TMEM131: variants seen among roughly 807,000 people sequenced by gnomAD.
TMEM131 encodes the protein 2610524E03Rik.
Under a neutral mutation model 211.6 loss-of-function variants are expected in TMEM131, and 66 were observed. That is an observed-to-expected ratio of 0.31 (90% CI 0.26 to 0.38). The LOEUF (loss-of-function observed/expected upper bound fraction) is 0.38, where lower values mean the gene tolerates loss of function less well. Among genes scored for constraint, TMEM131 ranks in the 10% least tolerant of loss-of-function variants. TMEM131 has a pLI of 1.00. For synonymous variants in TMEM131, 844 were observed against 841.3 expected (o/e 1.00, Z -0.06); for missense variants, 2,036 against 2,299.3 (o/e 0.89, Z 2.34).
chr2:97,797,660 G>C, intron 25 of TMEM131, 144 bp from the exon 26 acceptor site: 1 of 659,224 alleles, frequency 1.5e-6, no homozygotes. Context: ...TTTAGATATG[G>C]GTTAGCTGGA....
intron 36 of TMEM131, 153 bp downstream of exon 36, chr2:97,761,882 G>T: frequency 1.2e-6 from 1 of 812,422 alleles, no homozygotes; most frequent in Non-Finnish European, 1.8e-6. Flanking sequence ...AGCGGGGGTG[G>T]ACCCCAGGTA....
intron 4 of TMEM131, among the ~76,000 whole-genome samples, chr2:97,875,062 A>G (rs1674637146): frequency 1.3e-5 from 2 of 152,224 alleles, no homozygotes; most frequent in Admixed American, 6.5e-5. Context: ...CAGGAGTTGC[A>G]ATCCTAATCT....
chr2:97,775,915 A>T lies in TMEM131; in HGVS notation c.4248T>A (p.Ser1416=), dbSNP rs1266749052. 2 of 1,613,888 alleles carry T rather than the reference A, an allele frequency of 1.2e-6. No homozygotes were observed. Among genetic ancestry groups the T allele is most frequent in the Admixed American group, 3.3e-5 (2 of 60,012 alleles). ...TGGAGGAGCTATCATCATCAGCCAA[A>T]GAGTCCTTCAGCTCATCTTCCTGTG... is the stretch of plus-strand genomic sequence containing the variant. ...GKPQEDELKD[S]LADDDSSSTT... is the part of the protein sequence containing the mutation. Residue 1416 remains serine, a synonymous_variant, in exon 32 of 41, where the codon TCT becomes TCA. Transcript: ENST00000186436.
chr2:97,988,768 T>C (rs1013200607), intron 1 of TMEM131, among the ~76,000 whole-genome samples: 4 of 152,146 alleles, frequency 2.6e-5, no homozygotes, highest in Admixed American at 1.3e-4. Context: ...AAAACAACTG[T>C]TGGCAAGGGC....
chr2:97,760,366 C>T, intron 38 of TMEM131: 1 of 567,018 alleles, frequency 1.8e-6, no homozygotes, highest in Non-Finnish European at 3.2e-6. Context: ...CTGAGACAGG[C>T]ATGGGTGCCC....
At chr2:97,939,957 T>A (rs1677639623) in intron 1 of TMEM131, among the ~76,000 whole-genome samples, 1 of 152,158 alleles carries the variant, frequency 6.6e-6, no homozygotes, top group South Asian at 2.1e-4. Context: ...AAAAGGCCTT[T>A]GACAAAATTC....
intron 35 of TMEM131, chr2:97,763,350 G>A (rs6711101): frequency 0.36 from 54,633 of 152,742 alleles, 10,507 homozygotes; most frequent in Non-Finnish European, 0.39. Flanking sequence ...GCCATCCTCA[G>A]GGCTGCCTGC....
intron 4 of TMEM131, among the ~76,000 whole-genome samples, chr2:97,867,111 G>A (rs1355435147): frequency 2.6e-5 from 4 of 152,170 alleles, no homozygotes; most frequent in Non-Finnish European, 1.5e-5. Context: ...ATTAGCATAT[G>A]GTCTATCTTG....
chr2:97,834,629 C>T lies in TMEM131; in HGVS notation c.1004G>A (p.Arg335Lys), dbSNP rs570511284. 4 of 1,546,464 alleles carry T rather than the reference C, an allele frequency of 2.6e-6. No individual in the cohort carries two copies. Among genetic ancestry groups the T allele is most frequent in the East Asian group, 4.6e-5 (2 of 43,294 alleles). ...STEMLDFGTL[R>K]TQDLPKVLNL... ...TTAAAAGATTTTTTTACCTTGTGTT[C>T]TTAGTGTACCAAAATCTAACATTTC... The change falls in exon 10 of 41, where the codon AGA (arginine) becomes AAA (lysine). Residue 335 changes from arginine to lysine, a missense_variant. Physicochemically the swap from Arg to Lys is conservative, Grantham distance 26 (BLOSUM62 2). Around this residue, in one of 3 missense-constraint regions of TMEM131, gnomAD observed 277 missense variants for 378.0 expected, o/e 0.73. Coordinates refer to ENST00000186436, the MANE Select transcript of TMEM131 (RefSeq NM_015348.2).
chr2:97,980,551 G>A (rs757269543), intron 1 of TMEM131, among the ~76,000 whole-genome samples: 3 of 152,170 alleles, frequency 2.0e-5, no homozygotes, highest in Non-Finnish European at 4.4e-5. Context: ...ATAGGATCCA[G>A]ACATTCCACT....
chr2:97,761,980 A>T (rs892060812), intron 36 of TMEM131, 55 bp downstream of exon 36: 4 of 1,494,788 alleles, frequency 2.7e-6, no homozygotes, highest in African/African-American at 2.8e-5. Context: ...AGGGTGTGAC[A>T]TCGGGTTTTA....
intron 3 of TMEM131, among the ~76,000 whole-genome samples, chr2:97,890,723 A>G (rs930234656): frequency 6.6e-6 from 1 of 152,204 alleles, no homozygotes; most frequent in African/African-American, 2.4e-5. Flanking sequence ...GTGCTGCCAA[A>G]ATGAGCACTA....
At chr2:97,942,998 G>T (rs1425779121) in intron 1 of TMEM131, among the ~76,000 whole-genome samples, 1 of 34,026 alleles carries the variant, frequency 2.9e-5, no homozygotes, top group African/African-American at 1.5e-4. Flanking sequence ...AGAAAGAAAA[G>T]AAAGAAAAGA....
At chr2:97,806,261 G>A (rs948897193) in intron 19 of TMEM131, among the ~76,000 whole-genome samples, 22 of 152,208 alleles carry the variant, frequency 1.4e-4, no homozygotes, top group African/African-American at 5.3e-4. Context: ...CACAAGCTGG[G>A]CACAGTGGCT....
At chr2:97,895,140 T>C (rs1013808757) in intron 3 of TMEM131, among the ~76,000 whole-genome samples, 1 of 152,204 alleles carries the variant, frequency 6.6e-6, no homozygotes, top group Non-Finnish European at 1.5e-5. Context: ...ATGTGGTTTT[T>C]GTCGTTGGTT....
At chr2:97,871,414 G>T (rs888974464) in intron 4 of TMEM131, among the ~76,000 whole-genome samples, 9 of 152,170 alleles carry the variant, frequency 5.9e-5, no homozygotes, top group Non-Finnish European at 7.4e-5. Context: ...GAAAACTAAT[G>T]AAAAGCCATG....
chr2:97,935,147 A>T (rs1677389032), intron 1 of TMEM131, among the ~76,000 whole-genome samples: 1 of 152,216 alleles, frequency 6.6e-6, no homozygotes, highest in Non-Finnish European at 1.5e-5. Context: ...TAGGCTATAT[A>T]AAGAACTCAA....
At chr2:97,932,674 A>C (rs1677280270) in intron 1 of TMEM131, among the ~76,000 whole-genome samples, 1 of 152,220 alleles carries the variant, frequency 6.6e-6, no homozygotes, top group Non-Finnish European at 1.5e-5. Context: ...TTCAGTTATA[A>C]AATGTAGAAC....
chr2:97,862,041 T>G (rs1674090495), intron 4 of TMEM131, among the ~76,000 whole-genome samples: 1 of 152,142 alleles, frequency 6.6e-6, no homozygotes, highest in African/African-American at 2.4e-5. Flanking sequence ...AGAGAGAGAC[T>G]GTTTGTTTGG....
Sources: allele counts gnomAD v4.1 joint callset (sites outside exome capture counted in the v4.1 genomes callset), GRCh38; gene constraint gnomAD v4.1.1; regional missense constraint gnomAD v4.1.1; transcripts MANE v1.5; gene names NCBI Gene and HGNC (gene_info 2026-07-23, HGNC 2026-07-21).